The following ANK2 variants were observed in gnomAD, a reference collection of about 807,000 sequenced individuals.
ANK2 encodes ankyrin-2.
In ANK2, 83 loss-of-function variants were observed where a neutral mutation model predicts 360.5. That is an observed-to-expected ratio of 0.23 (90% CI 0.19 to 0.28). The LOEUF (loss-of-function observed/expected upper bound fraction) is 0.28, where lower values mean the gene tolerates loss of function less well. Ranked by LOEUF, ANK2 falls within the 10% of genes least tolerant of loss-of-function variation. The probability of loss-of-function intolerance (pLI) is 1.00; values close to 1 mark genes in which losing one functional copy is unlikely to be tolerated. For synonymous variants in ANK2, 1,740 were observed against 1,759.5 expected, an observed-to-expected ratio of 0.99 and a Z score of 0.28; for missense variants, 4,201 against 4,795.7, an observed-to-expected ratio of 0.88 and a Z score of 3.66.
intron 2 of ANK2, among the ~76,000 whole-genome samples, chr4:112,976,477 G>A (rs62317106): frequency 0.2 from 29,986 of 151,994 alleles, 3,197 homozygotes; most frequent in East Asian, 0.37. Context: ...ACAGGCGTGA[G>A]CCGTGGCACC....
chr4:112,846,588 C>T (rs1579570122), intron 1 of ANK2, among the ~76,000 whole-genome samples: 1 of 152,092 alleles, frequency 6.6e-6, no homozygotes, highest in East Asian at 1.9e-4. Context: ...CTCTCTTGAT[C>T]TCTTCCTGTC....
intron 1 of ANK2, among the ~76,000 whole-genome samples, chr4:113,057,775 G>T (rs773466746): frequency 3.3e-5 from 5 of 152,062 alleles, no homozygotes; most frequent in Non-Finnish European, 7.3e-5. Flanking sequence ...TCAGCCTTCT[G>T]CCTTTACCTG....
At chr4:112,709,942 G>A in the ANK2 span, among the ~76,000 whole-genome samples, 2 of 151,954 alleles carry the variant, frequency 1.3e-5, no homozygotes, top group Non-Finnish European at 2.9e-5. Flanking sequence ...ATGGTCTCTG[G>A]GTATTGGTGT....
chr4:113,292,396 G>T lies in ANK2; in HGVS notation c.2278-20G>T, dbSNP rs1323464610. On this transcript the variant is annotated intron_variant, in intron 20 of 45. Coordinates refer to ENST00000357077, the MANE Select transcript of ANK2 (RefSeq NM_001148.6). ...CCTCTGCCAATCGGGTGCTGGGCCC[G>T]CCACCACTGTCCTCCACAGAACGGC... 1.9e-6 allele frequency: 3 copies of T among 1,599,914 alleles called. No homozygotes were observed. In the Admixed American group the frequency reaches 5.1e-5, roughly 27 times the overall value.
chr4:113,196,272 G>A, intron 2 of ANK2, 96 bp from the exon 3 acceptor site: 2 of 896,018 alleles, frequency 2.2e-6, no homozygotes, highest in South Asian at 1.4e-5. Context: ...AGAGATCAGA[G>A]TCTGTCTGTT....
chr4:113,278,131 C>A (rs899090399), intron 16 of ANK2, among the ~76,000 whole-genome samples, 196 bp downstream of exon 16: 9 of 152,094 alleles, frequency 5.9e-5, no homozygotes, highest in African/African-American at 2.2e-4. Flanking sequence ...TTGAGCTGTG[C>A]CTCAAAGTCT....
At chr4:112,799,218 A>G in the ANK2 span, among the ~76,000 whole-genome samples, 2 of 152,124 alleles carry the variant, frequency 1.3e-5, no homozygotes, top group African/African-American at 4.8e-5. Context: ...CTTTTTGCCC[A>G]TTGAAGGACA....
At position 113,357,350 on chromosome 4, in the gene ANK2, C is replaced by A. The variant is rs779649040; in HGVS notation, c.8732C>A (p.Ser2911Tyr). The A allele has an allele frequency of 6.2e-7, 1 of 1,614,072 alleles. No homozygotes were observed. Among genetic ancestry groups the A allele is most frequent in the South Asian group, 1.1e-5 (1 of 91,076 alleles). ...AGATTTTCCATGGATGTTCCCGTGTCTGACCTAGCTGAGAATGATGAAATC... is the reference window on the plus strand; with the variant it reads ...AGATTTTCCATGGATGTTCCCGTGTATGACCTAGCTGAGAATGATGAAATC... ...TDRFSMDVPV[S>Y]DLAENDEIYD... The change falls in exon 38 of 46, where the codon TCT becomes TAT. Residue 2911 changes from serine (S) to tyrosine (Y), a missense_variant. Around this residue, in one of 4 missense-constraint regions of ANK2, gnomAD observed 2,642 missense variants for 2,714.5 expected, o/e 0.97. Coordinates refer to ENST00000357077, the MANE Select transcript of ANK2 (RefSeq NM_001148.6).
At chr4:113,232,343 C>G in intron 5 of ANK2, 84 bp downstream of exon 5, 1 of 1,055,730 alleles carries the variant, frequency 9.5e-7, no homozygotes, top group Non-Finnish European at 1.5e-6. Flanking sequence ...GTCTCCATTA[C>G]TTTGTCTAAA....
chr4:113,350,132 C>T (rs1420321703), intron 36 of ANK2, 96 bp from the exon 37 acceptor site: 1 of 1,112,186 alleles, frequency 9.0e-7, no homozygotes, highest in Non-Finnish European at 1.3e-6. Flanking sequence ...TGTCACCCAA[C>T]ATGTATAATT....
chr4:112,906,799 G>A (rs1420655860), intron 2 of ANK2, among the ~76,000 whole-genome samples: 1 of 152,110 alleles, frequency 6.6e-6, no homozygotes, highest in East Asian at 1.9e-4. Context: ...ATGAGAGAGA[G>A]AGAGAGGTCA....
In ANK2 at chr4:113,274,186, C is replaced by G. The variant is rs535053828; in HGVS notation, c.1486-266C>G. Among the ~76,000 whole-genome samples the G allele has an allele frequency of 6.2e-4, 94 of 152,238 alleles. 1 individual carries two copies. Among genetic ancestry groups the G allele is most frequent in the Admixed American group, 4.4e-3 (67 of 15,278 alleles). On this transcript the variant is annotated intron_variant, in intron 14 of 45. Coordinates refer to ENST00000357077, the MANE Select transcript of ANK2 (RefSeq NM_001148.6). Reference sequence around the variant, plus strand: ...ATTTAAACATAAGTGAGGCCTAAAGCCTTAATGAGTTGAGAAATATTTCAG... The same window carrying G: ...ATTTAAACATAAGTGAGGCCTAAAGGCTTAATGAGTTGAGAAATATTTCAG...
chr4:113,354,506 T>G lies in ANK2; in HGVS notation c.5888T>G (p.Val1963Gly), dbSNP rs775547971. 1.2e-6 allele frequency: 2 copies of G among 1,614,010 alleles called. No individual in the cohort carries two copies. The highest frequency in any genetic ancestry group is 1.3e-5 in the African/African-American group (1 of 74,910). ...TAGKTEKHLP[V>G]SPSGKTEKQP... ...GGGAAAACTGAGAAGCACCTGCCTGTGTCACCTTCTGGCAAAACAGAAAAG... is the reference window on the plus strand; with the variant it reads ...GGGAAAACTGAGAAGCACCTGCCTGGGTCACCTTCTGGCAAAACAGAAAAG... The change falls in exon 38 of 46, where the codon GTG becomes GGG. Residue 1963 changes from valine (V) to glycine (G), a missense_variant. This residue lies in a region of ANK2 where 2,642 missense variants were observed against 2,714.5 expected (regional missense o/e 0.97). Coordinates refer to ENST00000357077, the MANE Select transcript of ANK2 (RefSeq NM_001148.6).
At chr4:112,787,480 G>A in the ANK2 span, among the ~76,000 whole-genome samples, 36 of 152,304 alleles carry the variant, frequency 2.4e-4, no homozygotes, top group East Asian at 6.7e-3. Context: ...GTTTTCTGGT[G>A]TCTTCTTAGG....
chr4:112,811,645 G>C, the ANK2 span, among the ~76,000 whole-genome samples: 1 of 152,144 alleles, frequency 6.6e-6, no homozygotes, highest in Non-Finnish European at 1.5e-5. Flanking sequence ...ACTCAATGCT[G>C]TTGGCACCCA....
At chr4:113,130,637 A>G (rs1462745309) in intron 1 of ANK2, among the ~76,000 whole-genome samples, 3 of 152,286 alleles carry the variant, frequency 2.0e-5, no homozygotes, top group Middle Eastern at 3.4e-3. Flanking sequence ...CAGGATGAGA[A>G]CAGCATCCAG....
chr4:112,843,824 A>G (rs1192422701), intron 1 of ANK2, among the ~76,000 whole-genome samples: 1 of 152,178 alleles, frequency 6.6e-6, no homozygotes, highest in Non-Finnish European at 1.5e-5. Flanking sequence ...TACAAAAGGC[A>G]TATTGGAGCT....
In ANK2 at chr4:113,345,938, A is replaced by G. The variant is rs72556369; in HGVS notation, c.4287A>G (p.Ser1429=). The part of the protein sequence containing the change: ...DTTQEPCGRL[S]FMKEPKSTRG... Reference sequence around the variant, plus strand: ...CTCAGGAACCTTGCGGACGACTATCATTTATGAAGGAGCCAAAATCCACGA... The same window carrying G: ...CTCAGGAACCTTGCGGACGACTATCGTTTATGAAGGAGCCAAAATCCACGA... Residue 1429 remains serine (S), a synonymous_variant, in exon 35 of 46, where the codon TCA becomes TCG. Transcript: ENST00000357077. 7.4e-5 allele frequency: 120 copies of G among 1,613,754 alleles called. No homozygotes were observed. In the Middle Eastern group the frequency reaches 9.9e-4, roughly 13 times the overall value.
chr4:112,814,437 T>TTTTG (rs901979881), upstream of ANK2, among the ~76,000 whole-genome samples: 4 of 39,432 alleles, frequency 1.0e-4, no homozygotes, highest in Non-Finnish European at 2.5e-4. Context: ...TTTTTTGTTT[T>TTTTG]TTTGTTTGTT....
Sources: gnomAD v4.1 joint callset for allele counts (sites outside exome capture counted in the v4.1 genomes callset) on GRCh38, gnomAD v4.1.1 for gene constraint, gnomAD v4.1.1 regional missense constraint, MANE v1.5 for transcripts, NCBI Gene and HGNC (gene_info 2026-07-23, HGNC 2026-07-21) for gene names.